HDAC4: variants seen among roughly 807,000 people sequenced by gnomAD.
The protein encoded by HDAC4 is histone deacetylase A.
Under a neutral mutation model 135.1 loss-of-function variants are expected in HDAC4, and 16 were observed. That is an observed-to-expected ratio of 0.12 (90% CI 0.08 to 0.18). The LOEUF is 0.18. HDAC4 is among the 10% of genes least tolerant of loss of function. HDAC4 has a pLI of 1.00. For synonymous variants in HDAC4, 685 were observed against 653.4 expected (o/e 1.05, Z -0.74); for missense variants, 1,143 against 1,511.8 (o/e 0.76, Z 4.05).
At chr2:239,053,394 A>AT in intron 26 of HDAC4, 66 bp downstream of exon 26, 1 of 1,581,466 alleles carries the variant, frequency 6.3e-7, no homozygotes, top group Non-Finnish European at 8.6e-7. Context: ...CTGACCCTGA[A>AT]TAGTGTGTCA....
intron 2 of HDAC4, among the ~76,000 whole-genome samples, chr2:239,320,870 T>A (rs1488300364): frequency 3.3e-5 from 5 of 152,220 alleles, no homozygotes; most frequent in Admixed American, 3.3e-4. Context: ...GAACTACATA[T>A]TCTCTCCAAC....
chr2:239,200,163 C>T (rs2045668443), intron 3 of HDAC4, among the ~76,000 whole-genome samples: 1 of 152,210 alleles, frequency 6.6e-6, no homozygotes, highest in Non-Finnish European at 1.5e-5. Context: ...TCGATCTTTA[C>T]TGGCGTTTTT....
intron 1 of HDAC4, among the ~76,000 whole-genome samples, chr2:239,372,499 C>T (rs1694696284): frequency 1.3e-5 from 2 of 152,370 alleles, no homozygotes; most frequent in South Asian, 4.1e-4. Context: ...CACGCGCGCA[C>T]ACACACAGAC....
At position 239,078,119 on chromosome 2, in the gene HDAC4, A is replaced by G. The variant is rs183127422; in HGVS notation, c.2750+2976T>C. 2.7e-4 allele frequency among the ~76,000 whole-genome samples: 41 copies of G among 152,264 alleles called. No homozygotes were observed. In the East Asian group the frequency reaches 7.9e-3, roughly 29 times the overall value. ...GGTGAGGGATGGGTTACAGAGCACC[A>G]TCTTCATCGTCATCGTCATCTCCCT... is the stretch of plus-strand genomic sequence containing the variant. On this transcript the variant is annotated intron_variant, in intron 22 of 26. Coordinates refer to ENST00000543185, the MANE Select transcript of HDAC4 (RefSeq NM_001378414.1).
chr2:239,157,287 GC>G (rs765719401), intron 6 of HDAC4, among the ~76,000 whole-genome samples: 2 of 152,226 alleles, frequency 1.3e-5, no homozygotes, highest in African/African-American at 2.4e-5. Context: ...AGCCCATGGG[GC>G]TGTCTCTCAG....
Position 239,108,189 on chromosome 2 carries a change from G to A in HDAC4, c.1979-6C>T, listed in dbSNP as rs184393094. 3.0e-4 allele frequency: 472 copies of A among 1,595,016 alleles called. 2 individuals carry two copies. In the African/African-American group the frequency reaches 5.5e-3, roughly 19 times the overall value. On this transcript the variant is annotated splice_polypyrimidine_tract_variant and splice_region_variant and intron_variant, in intron 14 of 26. Transcript: ENST00000543185. ...CAGCGTGTCATACACGAGGCCTGGG[G>A]CGGGGCAGAGGGGCCAAGATCAGCG...
chr2:239,272,758 G>A (rs1334100596), intron 2 of HDAC4, among the ~76,000 whole-genome samples: 2 of 152,196 alleles, frequency 1.3e-5, no homozygotes, highest in Non-Finnish European at 2.9e-5. Context: ...GGTGCCCCAG[G>A]CGATGCCCTC....
chr2:239,173,577 A>G (rs11677357), intron 5 of HDAC4, among the ~76,000 whole-genome samples: 19 of 152,204 alleles, frequency 1.2e-4, no homozygotes, highest in Non-Finnish European at 2.4e-4. Flanking sequence ...TACAGAAAAC[A>G]TGGCACCTAA....
At chr2:239,379,597 G>A (rs941499346) in intron 1 of HDAC4, among the ~76,000 whole-genome samples, 1 of 152,124 alleles carries the variant, frequency 6.6e-6, no homozygotes, top group Non-Finnish European at 1.5e-5. Context: ...CCGGCTCCTG[G>A]CAGGGCCTCC....
intron 2 of HDAC4, among the ~76,000 whole-genome samples, chr2:239,290,468 G>C (rs1227724589): frequency 6.6e-6 from 1 of 152,168 alleles, no homozygotes; most frequent in Non-Finnish European, 1.5e-5. Context: ...TAAAACTGGA[G>C]ACCCTAGGAG....
rs1487280694 is a variant in HDAC4 at position 239,352,451 on chromosome 2, G to A, written c.22+227C>T. Among the ~76,000 whole-genome samples the A allele has an allele frequency of 2.0e-5, 3 of 152,074 alleles. No individual in the cohort carries two copies. The highest frequency in any genetic ancestry group is 2.0e-4 in the Admixed American group (3 of 15,262). On this transcript the variant is annotated intron_variant, in intron 2 of 26. Transcript: ENST00000543185. The surrounding 1 kb of genome is among the most constrained non-coding windows in gnomAD (Gnocchi z 4.4). ...GCCTCTCAAGTCAGCCTGCAAACCG[G>A]GGTCGCAGACTTGACTCCACATCCT...
At chr2:239,272,235 C>T (rs112004114) in intron 2 of HDAC4, among the ~76,000 whole-genome samples, 100 of 152,340 alleles carry the variant, frequency 6.6e-4, no homozygotes, top group African/African-American at 2.4e-3. Flanking sequence ...GGGCCCACAT[C>T]ATCGTTCCAA....
At chr2:239,332,319 T>C (rs187246910) in intron 2 of HDAC4, among the ~76,000 whole-genome samples, 1 of 152,314 alleles carries the variant, frequency 6.6e-6, no homozygotes, top group African/African-American at 2.4e-5. Context: ...ACATAAAATG[T>C]TGACAAAACT....
chr2:239,121,747 C>T (rs80000717), intron 12 of HDAC4, among the ~76,000 whole-genome samples: 147 of 152,358 alleles, frequency 9.6e-4, no homozygotes, highest in African/African-American at 3.5e-3. Flanking sequence ...CACGTCAGAG[C>T]CCTCTGTGAC....
chr2:239,147,919 C>A lies in HDAC4; in HGVS notation c.734-3205G>T, dbSNP rs185085123. Among the ~76,000 whole-genome samples, 60 of 152,230 alleles carry A rather than the reference C, an allele frequency of 3.9e-4. 1 individual carries two copies. The highest frequency in any genetic ancestry group is 1.3e-4 in the Non-Finnish European group (9 of 68,040). ...TGATGGAGACACAGGCTGGCTCCTC[C>A]AACTTAAACATCCTGAGAGTCAGCT... On this transcript the variant is annotated intron_variant, in intron 7 of 26. Transcript: ENST00000543185.
intron 20 of HDAC4, among the ~76,000 whole-genome samples, chr2:239,083,140 G>A (rs541356137): frequency 2.0e-4 from 30 of 152,358 alleles, no homozygotes; most frequent in African/African-American, 6.7e-4. Flanking sequence ...GACCCTGTCC[G>A]CATGGTGTGT....
intron 16 of HDAC4, among the ~76,000 whole-genome samples, chr2:239,100,628 TG>T (rs1207723097): frequency 6.6e-6 from 1 of 152,148 alleles, no homozygotes; most frequent in African/African-American, 2.4e-5. Context: ...TGCCAACGGC[TG>T]GGTGGAAGCT....
intron 2 of HDAC4, among the ~76,000 whole-genome samples, chr2:239,289,644 C>T (rs571105993): frequency 5.3e-5 from 8 of 152,318 alleles, no homozygotes; most frequent in African/African-American, 1.7e-4. Flanking sequence ...AGCAGCAGCC[C>T]CTCAGCCACT....
At position 239,352,552 on chromosome 2, in the gene HDAC4, A is replaced by C; in HGVS notation, c.22+126T>G. 1 of 892,944 alleles carries C rather than the reference A, an allele frequency of 1.1e-6. No individual in the cohort carries two copies. Among genetic ancestry groups the C allele is most frequent in the South Asian group, 1.4e-5 (1 of 70,370 alleles). 55.3% of individuals were successfully genotyped at this position (892,944 alleles called of 1,614,324 possible). On this transcript the variant is annotated intron_variant, in intron 2 of 26. Coordinates refer to ENST00000543185, the MANE Select transcript of HDAC4 (RefSeq NM_001378414.1). The surrounding 1 kb of genome is among the most constrained non-coding windows in gnomAD (Gnocchi z 4.4). ...TTTGCACTTTGTGCTGTCAAAAACC[A>C]ACAGTGACCACTATCAAGAAAAACA...
Sources: allele counts gnomAD v4.1 joint callset (sites outside exome capture counted in the v4.1 genomes callset), GRCh38; gene constraint gnomAD v4.1.1; non-coding constraint Gnocchi (gnomAD v3.1); transcripts MANE v1.5; gene names NCBI Gene and HGNC (gene_info 2026-07-23, HGNC 2026-07-21).